ANKRD44: variants seen among roughly 807,000 people sequenced by gnomAD.
ANKRD44 encodes serine/threonine-protein phosphatase 6 regulatory ankyrin repeat subunit B.
ANKRD44 carries 35 observed loss-of-function variants against 116.0 expected under a neutral mutation model. The ratio of observed to expected loss-of-function variants is 0.30; its 90% CI spans 0.23 to 0.40. The LOEUF (loss-of-function observed/expected upper bound fraction) is 0.40. ANKRD44 is among the 10% of genes least tolerant of loss of function. The pLI, the probability that ANKRD44 is intolerant of heterozygous loss-of-function variation, is 1.00. For missense variants in ANKRD44, 1,014 were observed against 1,242.6 expected (o/e 0.82, Z 2.77); for synonymous variants, 435 against 461.8 (o/e 0.94, Z 0.74).
chr2:196,967,562 G>A (rs765959580), intron 21 of ANKRD44: 16 of 395,392 alleles, frequency 4.0e-5, no homozygotes, highest in Non-Finnish European at 8.5e-5. Context: ...AATGGGGGAT[G>A]GGGAATGCTC....
intron 1 of ANKRD44, among the ~76,000 whole-genome samples, chr2:197,307,776 A>G (rs957268965): frequency 2.6e-4 from 39 of 152,314 alleles, no homozygotes; most frequent in Non-Finnish European, 4.9e-4. Flanking sequence ...CTTTTGCCAC[A>G]TTTAAAGACA....
At chr2:197,053,905 A>G (rs2077158067) in intron 16 of ANKRD44, among the ~76,000 whole-genome samples, 1 of 152,234 alleles carries the variant, frequency 6.6e-6, no homozygotes, top group African/African-American at 2.4e-5. Context: ...GCTGTGTTGC[A>G]TGTTGCTAAT....
rs2081347619 is a variant in ANKRD44 at position 197,212,463 on chromosome 2, C to T, written c.28-25357G>A. On this transcript the variant is annotated intron_variant, in intron 1 of 27. Coordinates refer to ENST00000282272, the MANE Select transcript of ANKRD44 (RefSeq NM_001195144.2). This position sits in a 1 kb window ranked among gnomAD's most constrained non-coding sequence, Gnocchi z 4.8. ...ACAAAGGCAAATTCTCAGGAATCTACCAAGACCATAAGTTTTAGAAGGGCA... is the reference window on the plus strand; with the variant it reads ...ACAAAGGCAAATTCTCAGGAATCTATCAAGACCATAAGTTTTAGAAGGGCA... Among the ~76,000 whole-genome samples, 3 of 152,122 alleles carry T rather than the reference C, an allele frequency of 2.0e-5. No homozygotes were observed. Among genetic ancestry groups the T allele is most frequent in the Non-Finnish European group, 4.4e-5 (3 of 68,026 alleles).
rs1559208748 is a variant in ANKRD44 at position 197,274,018 on chromosome 2, T to TATAGATATATATAG, written c.27+36559_27+36560insCTATATATATCTAT. Among the ~76,000 whole-genome samples, 20 of 70,980 alleles carry TATAGATATATATAG rather than the reference T, an allele frequency of 2.8e-4. 2 individuals carry two copies. Among genetic ancestry groups the TATAGATATATATAG allele is most frequent in the Non-Finnish European group, 3.3e-4 (12 of 36,488 alleles). The allele number at this position is 70,980 out of a possible 152,430, so 46.6% of individuals were successfully genotyped here. On this transcript the variant is annotated intron_variant, in intron 1 of 27. Coordinates refer to ENST00000282272, the MANE Select transcript of ANKRD44 (RefSeq NM_001195144.2). The stretch of plus-strand genomic sequence containing the variant: ...ATATATATATATATATATATATATA[T>TATAGATATATATAG]ATATATATATGAATCAGACAGGCTT...
chr2:196,971,599 T>C (rs2075716305), intron 21 of ANKRD44, among the ~76,000 whole-genome samples: 1 of 152,220 alleles, frequency 6.6e-6, no homozygotes, highest in Non-Finnish European at 1.5e-5. Flanking sequence ...TTGAGTTTTT[T>C]CTACTACCAA....
At chr2:197,093,671 GTC>G (rs1265020821) in intron 10 of ANKRD44, among the ~76,000 whole-genome samples, 2 of 152,172 alleles carry the variant, frequency 1.3e-5, no homozygotes, top group African/African-American at 4.8e-5. Context: ...AGAATTCAGT[GTC>G]TCTGAATCAA....
chr2:197,014,181 G>A (rs4513316), intron 17 of ANKRD44, among the ~76,000 whole-genome samples: 138,557 of 152,252 alleles, frequency 0.91, 63,112 homozygotes, highest in East Asian at 1. Context: ...ACAGAGGCAT[G>A]TAGATGTTCT....
chr2:197,109,805 G>C (rs2078522138), intron 9 of ANKRD44, among the ~76,000 whole-genome samples: 1 of 152,020 alleles, frequency 6.6e-6, no homozygotes. Context: ...TTTACTAATA[G>C]AAGTGATGCT....
At chr2:196,980,874 A>T (rs1381738247) in intron 21 of ANKRD44, among the ~76,000 whole-genome samples, 1 of 148,100 alleles carries the variant, frequency 6.8e-6, no homozygotes, top group Non-Finnish European at 1.5e-5. Context: ...CCATCTACTT[A>T]AAGTAAAATA....
chr2:196,968,657 C>T (rs76761050), intron 21 of ANKRD44, among the ~76,000 whole-genome samples: 3 of 152,132 alleles, frequency 2.0e-5, no homozygotes, highest in African/African-American at 7.2e-5. Context: ...CTGAACATAC[C>T]TCATTTATCT....
intron 16 of ANKRD44, among the ~76,000 whole-genome samples, chr2:197,037,530 C>T (rs1311562937): frequency 1.3e-5 from 2 of 152,218 alleles, no homozygotes; most frequent in South Asian, 2.1e-4. Flanking sequence ...AATGAGACAG[C>T]ATTAGTGGAA....
chr2:197,263,868 T>C (rs2082674395), intron 1 of ANKRD44, among the ~76,000 whole-genome samples: 1 of 152,146 alleles, frequency 6.6e-6, no homozygotes, highest in South Asian at 2.1e-4. Flanking sequence ...AAAGATTACA[T>C]TTCCCAGCCT....
At chr2:197,255,963 C>T (rs866169284) in intron 1 of ANKRD44, among the ~76,000 whole-genome samples, 32 of 152,228 alleles carry the variant, frequency 2.1e-4, no homozygotes, top group African/African-American at 6.8e-4. Context: ...AATAAGGAAT[C>T]TTAATCTATC....
chr2:197,268,066 C>T (rs531384489), intron 1 of ANKRD44, among the ~76,000 whole-genome samples: 12 of 152,316 alleles, frequency 7.9e-5, no homozygotes, highest in African/African-American at 2.9e-4. Flanking sequence ...CTGAGGAACT[C>T]AGCACAGGTT....
intron 27 of ANKRD44, 58 bp downstream of exon 27, chr2:196,993,525 C>G (rs1439159183): frequency 5.1e-6 from 7 of 1,375,872 alleles, no homozygotes; most frequent in Non-Finnish European, 7.1e-6. Context: ...CTCATTTCCT[C>G]TGGCTTCAAC....
chr2:197,197,104 C>T (rs1469260787), intron 1 of ANKRD44, among the ~76,000 whole-genome samples: 5 of 152,150 alleles, frequency 3.3e-5, no homozygotes, highest in Non-Finnish European at 2.9e-5. Context: ...CTACTCCCTC[C>T]CCAGCCAGAA....
At chr2:197,055,459 A>C (rs2077185742) in intron 16 of ANKRD44, among the ~76,000 whole-genome samples, 1 of 152,162 alleles carries the variant, frequency 6.6e-6, no homozygotes, top group African/African-American at 2.4e-5. Context: ...AATAGAGTCC[A>C]ATATATCCAG....
intron 16 of ANKRD44, among the ~76,000 whole-genome samples, chr2:197,036,751 A>C (rs184050216): frequency 6.6e-6 from 1 of 152,362 alleles, no homozygotes; most frequent in African/African-American, 2.4e-5. Flanking sequence ...ATCCACTGTG[A>C]AAATAGATCC....
At chr2:197,134,646 T>C (rs1276316601) in intron 4 of ANKRD44, 1 of 152,108 alleles carries the variant, frequency 6.6e-6, no homozygotes, top group Non-Finnish European at 1.5e-5. Context: ...TGTGTCTTTC[T>C]TTTCCACTAG....
Sources: allele counts gnomAD v4.1 joint callset (sites outside exome capture counted in the v4.1 genomes callset), GRCh38; gene constraint gnomAD v4.1.1; non-coding constraint Gnocchi (gnomAD v3.1); transcripts MANE v1.5; gene names NCBI Gene and HGNC (gene_info 2026-07-23, HGNC 2026-07-21).